BMAL2: variants seen among roughly 807,000 people sequenced by gnomAD.
BMAL2 encodes the protein basic helix-loop-helix ARNT like 2.
At chr12:27,363,335 C>T in the BMAL2 span, among the ~76,000 whole-genome samples, 1 of 152,134 alleles carries the variant, frequency 6.6e-6, no homozygotes, top group Admixed American at 6.6e-5. Flanking sequence ...TTTCCATATA[C>T]CTAGGAGGGG....
chr12:27,407,972 G>T, the BMAL2 span, among the ~76,000 whole-genome samples: 1 of 152,002 alleles, frequency 6.6e-6, no homozygotes, highest in Non-Finnish European at 1.5e-5. Flanking sequence ...ACACCTCTAC[G>T]CAAATAAACT....
chr12:27,420,027 A>G, the BMAL2 span, among the ~76,000 whole-genome samples: 58 of 141,954 alleles, frequency 4.1e-4, no homozygotes, highest in African/African-American at 1.5e-3. Context: ...GTGCACACAC[A>G]CACACACACA....
the BMAL2 span, chr12:27,418,193 C>T: frequency 6.2e-7 from 1 of 1,600,262 alleles, no homozygotes; most frequent in Non-Finnish European, 8.5e-7. Context: ...TGAGCCACTC[C>T]TCAGTAAGTT....
chr12:27,345,908 A>G, the BMAL2 span, among the ~76,000 whole-genome samples: 4 of 152,200 alleles, frequency 2.6e-5, no homozygotes, highest in South Asian at 6.2e-4. Flanking sequence ...AGTAATTTTT[A>G]TCTTTAAGAG....
chr12:27,382,904 A>AT, the BMAL2 span, among the ~76,000 whole-genome samples: 1 of 152,242 alleles, frequency 6.6e-6, no homozygotes, highest in Non-Finnish European at 1.5e-5. Flanking sequence ...AATTATGGAA[A>AT]AATGATCATG....
the BMAL2 span, among the ~76,000 whole-genome samples, chr12:27,395,896 G>C: frequency 6.6e-6 from 1 of 152,192 alleles, no homozygotes; most frequent in Non-Finnish European, 1.5e-5. Context: ...AAGGGCCTGG[G>C]CTCTGAATTC....
At chr12:27,388,979 G>A in the BMAL2 span, among the ~76,000 whole-genome samples, 4 of 152,206 alleles carry the variant, frequency 2.6e-5, no homozygotes, top group East Asian at 7.7e-4. Flanking sequence ...TCCAGGGATG[G>A]TTCTATACGC....
chr12:27,414,150 T>C, the BMAL2 span, among the ~76,000 whole-genome samples: 2 of 152,046 alleles, frequency 1.3e-5, no homozygotes, highest in African/African-American at 2.4e-5. Context: ...TGAAAATATA[T>C]ATGCACTCAA....
the BMAL2 span, among the ~76,000 whole-genome samples, chr12:27,407,413 C>A: frequency 1.3e-5 from 2 of 152,162 alleles, no homozygotes; most frequent in African/African-American, 4.8e-5. Context: ...ATATTGCAAT[C>A]AAACTAGAAC....
chr12:27,403,601 T>A, the BMAL2 span: 65 of 1,091,536 alleles, frequency 6.0e-5, no homozygotes, highest in South Asian at 9.6e-4. Context: ...ATAAAATCAA[T>A]ATACAAAAAT....
chr12:27,410,471 C>T, the BMAL2 span, among the ~76,000 whole-genome samples: 1 of 152,130 alleles, frequency 6.6e-6, no homozygotes. Context: ...TGGAAACCAT[C>T]ATTCTCAGCA....
chr12:27,365,638 C>G, the BMAL2 span, among the ~76,000 whole-genome samples: 1 of 151,558 alleles, frequency 6.6e-6, no homozygotes, highest in East Asian at 1.9e-4. Flanking sequence ...TTCATTCCAT[C>G]TAAATTTTTA....
chr12:27,369,540 T>C, the BMAL2 span, among the ~76,000 whole-genome samples: 1 of 152,250 alleles, frequency 6.6e-6, no homozygotes, highest in Non-Finnish European at 1.5e-5. Context: ...GAAGTGACAG[T>C]CTTTTTAGAC....
At chr12:27,406,861 A>G in the BMAL2 span, among the ~76,000 whole-genome samples, 4 of 152,150 alleles carry the variant, frequency 2.6e-5, no homozygotes, top group Non-Finnish European at 5.9e-5. Context: ...TCATGTGCAG[A>G]GACAAACATA....
chr12:27,415,792 T>G, the BMAL2 span: 1 of 951,710 alleles, frequency 1.1e-6, no homozygotes, highest in South Asian at 1.5e-5. Flanking sequence ...TATTAGTAGA[T>G]TATTATGTAT....
the BMAL2 span, among the ~76,000 whole-genome samples, chr12:27,387,749 A>G: frequency 3.3e-4 from 51 of 152,324 alleles, no homozygotes; most frequent in African/African-American, 1.2e-3. Context: ...ACTCTCTGAA[A>G]TACATCTTTC....
the BMAL2 span, chr12:27,387,322 T>C: frequency 6.4e-7 from 1 of 1,563,226 alleles, no homozygotes; most frequent in South Asian, 1.1e-5. Context: ...TATGATCAGG[T>C]ATCCAAAAAT....
At chr12:27,371,803 C>T in the BMAL2 span, among the ~76,000 whole-genome samples, 1 of 152,142 alleles carries the variant, frequency 6.6e-6, no homozygotes, top group Non-Finnish European at 1.5e-5. Context: ...GCATCAATTA[C>T]ATTCAGTATT....
chr12:27,372,366 A>G, the BMAL2 span, among the ~76,000 whole-genome samples: 1 of 152,204 alleles, frequency 6.6e-6, no homozygotes, highest in Non-Finnish European at 1.5e-5. Context: ...ATGGCTGAAT[A>G]ATATTCCACT....
Sources: gnomAD v4.1 joint callset for allele counts (sites outside exome capture counted in the v4.1 genomes callset) on GRCh38, gnomAD v4.1.1 for gene constraint, MANE v1.5 for transcripts, NCBI Gene and HGNC (gene_info 2026-07-23, HGNC 2026-07-21) for gene names.